The following KIF3A variants were observed in gnomAD, a reference collection of about 807,000 sequenced individuals.
The protein encoded by KIF3A is kinesin-like protein KIF3A.
A neutral mutation model predicts 92.6 loss-of-function variants in KIF3A; 27 were observed. The ratio of observed to expected loss-of-function variants is 0.29; its 90% confidence interval spans 0.21 to 0.40. The LOEUF is 0.40. KIF3A is among the 10% of genes least tolerant of loss of function. The probability of loss-of-function intolerance (pLI) is 1.00; values close to 1 mark genes in which losing one functional copy is unlikely to be tolerated. For missense variants in KIF3A, 581 were observed against 872.6 expected (o/e 0.67, Z 4.21); for synonymous variants, 250 against 275.4 (o/e 0.91, Z 0.92).
chr5:132,736,808 G>T, intron 1 of KIF3A: 1 of 458,020 alleles, frequency 2.2e-6, no homozygotes, highest in South Asian at 1.6e-5. Flanking sequence ...CCCCTAATAA[G>T]GGGTCTTAGA....
chr5:132,723,978 A>T (rs927106615), intron 4 of KIF3A, among the ~76,000 whole-genome samples: 1 of 152,240 alleles, frequency 6.6e-6, no homozygotes, highest in African/African-American at 2.4e-5. Context: ...CCCCATCAAA[A>T]AGTGGGTGAA....
chr5:132,700,974 G>A (rs961920850), intron 15 of KIF3A, among the ~76,000 whole-genome samples: 17 of 152,086 alleles, frequency 1.1e-4, no homozygotes, highest in African/African-American at 4.1e-4. Flanking sequence ...ATGAAATAAG[G>A]GAAGGGGAAA....
At chr5:132,710,537 A>C (rs1190501704) in intron 9 of KIF3A, among the ~76,000 whole-genome samples, 2 of 152,182 alleles carry the variant, frequency 1.3e-5, no homozygotes, top group Non-Finnish European at 2.9e-5. Context: ...AATCGCTTCA[A>C]CCTGGGAGGT....
At chr5:132,734,122 C>T in intron 2 of KIF3A, 83 bp downstream of exon 2, 1 of 1,091,310 alleles carries the variant, frequency 9.2e-7, no homozygotes, top group Non-Finnish European at 1.3e-6. Flanking sequence ...ACTCATCAAA[C>T]TGCACAGCTG....
At chr5:132,704,451 A>G (rs2149896614) in intron 11 of KIF3A, among the ~76,000 whole-genome samples, 1 of 152,064 alleles carries the variant, frequency 6.6e-6, no homozygotes, top group East Asian at 1.9e-4. Flanking sequence ...CTTCCAATTG[A>G]TTATTTTTGC....
intron 3 of KIF3A, 26 bp from the exon 4 acceptor site, chr5:132,726,238 C>CA: frequency 1.3e-6 from 2 of 1,588,452 alleles, no homozygotes; most frequent in Non-Finnish European, 1.7e-6. Flanking sequence ...TTTAAAAAGT[C>CA]AAAGAGTGAA....
At chr5:132,718,786 C>T (rs1052812761) in intron 5 of KIF3A, among the ~76,000 whole-genome samples, 16 of 152,146 alleles carry the variant, frequency 1.1e-4, no homozygotes, top group African/African-American at 3.1e-4. Flanking sequence ...GCCACCACGT[C>T]TGGCTGATTT....
chr5:132,705,259 T>C (rs897631224), intron 11 of KIF3A, among the ~76,000 whole-genome samples: 4 of 152,046 alleles, frequency 2.6e-5, no homozygotes, highest in African/African-American at 9.6e-5. Context: ...TTCAGGTATA[T>C]AGTAAGTATA....
intron 2 of KIF3A, among the ~76,000 whole-genome samples, chr5:132,731,243 T>C (rs1025783561): frequency 2.0e-5 from 3 of 152,192 alleles, no homozygotes; most frequent in Non-Finnish European, 4.4e-5. Flanking sequence ...TATACTTACA[T>C]CCCTCATGAA....
At chr5:132,727,766 G>T (rs1754082962) in intron 2 of KIF3A, among the ~76,000 whole-genome samples, 1 of 152,186 alleles carries the variant, frequency 6.6e-6, no homozygotes, top group Non-Finnish European at 1.5e-5. Context: ...ACCAAGGGTC[G>T]ATGTGGGGAA....
At chr5:132,708,585 A>T (rs540204313) in intron 10 of KIF3A, among the ~76,000 whole-genome samples, 1 of 152,360 alleles carries the variant, frequency 6.6e-6, no homozygotes, top group African/African-American at 2.4e-5. Flanking sequence ...CAGGATTAGA[A>T]ATGTGTCATG....
intron 2 of KIF3A, among the ~76,000 whole-genome samples, chr5:132,728,580 T>C (rs181370193): frequency 2.6e-5 from 4 of 151,784 alleles, no homozygotes; most frequent in African/African-American, 9.7e-5. Context: ...CTACTAAAAA[T>C]ACAAAAATTA....
intron 7 of KIF3A, 138 bp downstream of exon 7, chr5:132,716,107 G>A: frequency 2.4e-6 from 2 of 850,692 alleles, no homozygotes; most frequent in South Asian, 1.8e-5. Flanking sequence ...TAATACACGA[G>A]TGTACCACAA....
intron 2 of KIF3A, among the ~76,000 whole-genome samples, chr5:132,731,671 T>C (rs924355059): frequency 6.6e-6 from 1 of 151,938 alleles, no homozygotes; most frequent in Non-Finnish European, 1.5e-5. Context: ...TTAAAGGAGA[T>C]TGGAAAGGAC....
chr5:132,734,441 A>C lies in KIF3A; in HGVS notation c.44T>G (p.Val15Gly). The C allele has an allele frequency of 6.2e-7, 1 of 1,613,668 alleles. No homozygotes were observed. The highest frequency in any genetic ancestry group is 8.5e-7 in the Non-Finnish European group (1 of 1,179,896). Residue 15 changes from valine to glycine, a missense_variant, in exon 2 of 19, where the codon GTG (valine) becomes GGG (glycine). Around this residue, in one of 5 missense-constraint regions of KIF3A, gnomAD observed 217 missense variants for 299.7 expected, o/e 0.72. Transcript: ENST00000403231. ...GGGCCGGCACCTAACAACAACCTTC[A>C]CATTATCGCAGCTTTCTGGCTTCTC... ...KSEKPESCDN[V>G]KVVVRCRPLN...
chr5:132,695,868 T>A lies in KIF3A; in HGVS notation c.*766A>T, dbSNP rs1752817246. ...CGCAGGCAAAGATAACTGAGCAGTA[T>A]TTAGCTTCTTAATTTTCCGCAACAG... On this transcript the variant is annotated 3_prime_UTR_variant, in exon 19 of 19. Transcript: ENST00000403231. 1 of 152,282 alleles carries A rather than the reference T, an allele frequency of 6.6e-6. No homozygotes were observed. The highest frequency in any genetic ancestry group is 6.5e-5 in the Admixed American group (1 of 15,280). The allele number at this position is 152,282 out of a possible 1,614,324, so 9.4% of individuals were successfully genotyped here.
Position 132,737,461 on chromosome 5 carries a change from T to C in KIF3A, c.-42A>G. ...GCCCGGCGGACGTCCCCGCCCGGGG[T>C]GCAGCCCAGCGACACCGGGTGCGCA... is the stretch of plus-strand genomic sequence containing the variant. On this transcript the variant is annotated 5_prime_UTR_variant, in exon 1 of 19. Coordinates refer to ENST00000403231, the MANE Select transcript of KIF3A (RefSeq NM_001300791.2). 1 of 1,598,366 alleles carries C rather than the reference T, an allele frequency of 6.3e-7. No homozygotes were observed. The highest frequency in any genetic ancestry group is 8.5e-7 in the Non-Finnish European group (1 of 1,173,258).
At chr5:132,726,913 G>C (rs1344705215) in intron 2 of KIF3A, among the ~76,000 whole-genome samples, 2 of 152,180 alleles carry the variant, frequency 1.3e-5, no homozygotes, top group African/African-American at 4.8e-5. Context: ...TTTAGCCACT[G>C]ACCTTGGACA....
At chr5:132,690,450 T>C (rs1006733595), downstream of KIF3A, among the ~76,000 whole-genome samples, 2 of 152,120 alleles carry the variant, frequency 1.3e-5, no homozygotes, top group Admixed American at 6.6e-5. Flanking sequence ...AGTGTTTTTA[T>C]AGCACTGTAG....
Sources: allele counts gnomAD v4.1 joint callset (sites outside exome capture counted in the v4.1 genomes callset), GRCh38; gene constraint gnomAD v4.1.1; regional missense constraint gnomAD v4.1.1; transcripts MANE v1.5; gene names NCBI Gene and HGNC (gene_info 2026-07-23, HGNC 2026-07-21).